The following CA10 variants were observed in gnomAD, a reference collection of about 807,000 sequenced individuals.
CA10 encodes the protein carbonic anhydrase-related protein 10.
Under a neutral mutation model 44.2 loss-of-function variants are expected in CA10, and 14 were observed. The ratio of observed to expected loss-of-function variants is 0.32; its 90% CI spans 0.21 to 0.50. The LOEUF (loss-of-function observed/expected upper bound fraction) is 0.50. Among genes scored for constraint, CA10 ranks in the 20% least tolerant of loss-of-function variants. The pLI is 0.99. For synonymous variants in CA10, 159 were observed against 141.6 expected, an observed-to-expected ratio of 1.12 and a Z score of -0.87; for missense variants, 350 against 409.7, an observed-to-expected ratio of 0.85 and a Z score of 1.26.
chr17:52,092,922 CACTT>C (rs1988305992), intron 1 of CA10, among the ~76,000 whole-genome samples: 1 of 152,152 alleles, frequency 6.6e-6, no homozygotes, highest in Non-Finnish European at 1.5e-5. Context: ...TGTAAGTCCT[CACTT>C]AATGTTGTTG....
At chr17:52,139,668 T>C (rs1344399913) in intron 1 of CA10, among the ~76,000 whole-genome samples, 2 of 152,078 alleles carry the variant, frequency 1.3e-5, no homozygotes, top group Non-Finnish European at 2.9e-5. Context: ...GTATGTGATA[T>C]GGTGGCTGAG....
intron 2 of CA10, among the ~76,000 whole-genome samples, chr17:52,041,580 AAT>A (rs1986769710): frequency 6.6e-6 from 1 of 152,130 alleles, no homozygotes; most frequent in African/African-American, 2.4e-5. Flanking sequence ...ATTTTGTGTG[AAT>A]GTGTGGTGAT....
intron 2 of CA10, among the ~76,000 whole-genome samples, chr17:52,024,306 T>C (rs1370941408): frequency 6.6e-6 from 1 of 152,160 alleles, no homozygotes; most frequent in Non-Finnish European, 1.5e-5. Context: ...TACTTATTTT[T>C]ACTTAGACAT....
intron 3 of CA10, among the ~76,000 whole-genome samples, chr17:51,909,015 A>T (rs1567881163): frequency 1.3e-5 from 2 of 152,144 alleles, no homozygotes; most frequent in Non-Finnish European, 2.9e-5. Flanking sequence ...TTTTCTGCAA[A>T]AGCCAGAGAT....
chr17:51,809,793 T>C (rs1208693592), intron 3 of CA10, among the ~76,000 whole-genome samples: 1 of 152,088 alleles, frequency 6.6e-6, no homozygotes, highest in Non-Finnish European at 1.5e-5. Flanking sequence ...AAGGGAAGGA[T>C]GTGCTGGGTT....
intron 4 of CA10, among the ~76,000 whole-genome samples, chr17:51,673,490 C>T (rs868763394): frequency 3.3e-5 from 5 of 152,156 alleles, no homozygotes; most frequent in African/African-American, 9.7e-5. Flanking sequence ...TAGACTTGGG[C>T]GCCTACTGAG....
chr17:51,841,556 A>G (rs1002426206), intron 3 of CA10, among the ~76,000 whole-genome samples: 4 of 152,354 alleles, frequency 2.6e-5, no homozygotes, highest in Non-Finnish European at 4.4e-5. Context: ...AGCAGGATGT[A>G]TGTACAAGGT....
rs192086090 is a variant in CA10, at chr17:51,993,410, T to G, written c.137-62278A>C. 4.2e-3 allele frequency among the ~76,000 whole-genome samples: 634 copies of G among 152,216 alleles called. 3 individuals are homozygous for G. The highest frequency in any genetic ancestry group is 5.6e-3 in the Non-Finnish European group (381 of 67,972). ...ATACACTTTGATTCTTTCCCATCTG[T>G]TCAACTGATGCAGCATCTCAGTTGC... On this transcript the variant is annotated intron_variant, in intron 2 of 8. Coordinates refer to ENST00000451037, the MANE Select transcript of CA10 (RefSeq NM_020178.5).
chr17:52,155,349 A>C (rs1989783446), intron 1 of CA10, among the ~76,000 whole-genome samples: 1 of 152,170 alleles, frequency 6.6e-6, no homozygotes, highest in East Asian at 1.9e-4. Flanking sequence ...TCATGAGTAA[A>C]TTAAAACTGC....
intron 3 of CA10, among the ~76,000 whole-genome samples, chr17:51,905,910 C>T (rs1384159021): frequency 1.3e-5 from 2 of 152,054 alleles, no homozygotes; most frequent in Admixed American, 6.6e-5. Context: ...ACCTACTTCC[C>T]CAGCTGTACC....
chr17:52,053,183 G>A (rs146505904), intron 2 of CA10, among the ~76,000 whole-genome samples: 1 of 152,180 alleles, frequency 6.6e-6, no homozygotes, highest in African/African-American at 2.4e-5. Context: ...CCTATATCTT[G>A]AAGGAAGATG....
At chr17:51,793,048 A>G (rs1906581591) in intron 3 of CA10, among the ~76,000 whole-genome samples, 1 of 152,200 alleles carries the variant, frequency 6.6e-6, no homozygotes, top group Non-Finnish European at 1.5e-5. Context: ...GGTGAGGTCC[A>G]TGGAGAAAAG....
intron 3 of CA10, among the ~76,000 whole-genome samples, chr17:51,870,082 G>A (rs1392876900): frequency 6.6e-6 from 1 of 152,248 alleles, no homozygotes; most frequent in Admixed American, 6.5e-5. Flanking sequence ...GAACTTTTAG[G>A]ATTCAAGAAT....
chr17:51,940,390 G>A (rs1983031226), intron 2 of CA10, among the ~76,000 whole-genome samples: 1 of 151,988 alleles, frequency 6.6e-6, no homozygotes, highest in Non-Finnish European at 1.5e-5. Flanking sequence ...CAAGCTCCAC[G>A]GAAATCTGGA....
intron 6 of CA10, 147 bp from the exon 7 acceptor site, chr17:51,636,156 GA>G: frequency 2.2e-6 from 1 of 445,584 alleles, no homozygotes; most frequent in Admixed American, 4.1e-5. Flanking sequence ...TGGAATTCCA[GA>G]AGACTCTATC....
At chr17:51,708,799 G>A (rs1915840077) in intron 4 of CA10, among the ~76,000 whole-genome samples, 1 of 152,206 alleles carries the variant, frequency 6.6e-6, no homozygotes, top group Non-Finnish European at 1.5e-5. Context: ...TGGGCTAGAT[G>A]CTTCCTGCCC....
chr17:51,728,037 C>T (rs1391589098), intron 4 of CA10, among the ~76,000 whole-genome samples: 2 of 152,040 alleles, frequency 1.3e-5, no homozygotes, highest in African/African-American at 2.4e-5. Context: ...AGGTGCATGC[C>T]ACCACACCCA....
chr17:51,695,325 TCA>T (rs1049579756), intron 4 of CA10, among the ~76,000 whole-genome samples: 2 of 4,696 alleles, frequency 4.3e-4, no homozygotes, highest in African/African-American at 1.7e-3. Context: ...ATGATTTCTT[TCA>T]CAGTTTTTGT....
chr17:52,014,743 T>TA (rs141992190), intron 2 of CA10, among the ~76,000 whole-genome samples: 17 of 151,996 alleles, frequency 1.1e-4, no homozygotes, highest in South Asian at 1.0e-3. Context: ...GTCACTTTGA[T>TA]AAAAAAATAG....
Sources: allele counts gnomAD v4.1 joint callset (sites outside exome capture counted in the v4.1 genomes callset), GRCh38; gene constraint gnomAD v4.1.1; transcripts MANE v1.5; gene names NCBI Gene and HGNC (gene_info 2026-07-23, HGNC 2026-07-21).